Variants in TBC1D9 observed in about 807,000 individuals in gnomAD.
The protein encoded by TBC1D9 is TBC1 domain family member 9A.
TBC1D9 carries 63 observed loss-of-function variants against 132.0 expected under a neutral mutation model. The observed-to-expected ratio is 0.48, with a 90% CI of 0.39 to 0.59. TBC1D9 has a LOEUF of 0.59. TBC1D9 is among the 20% of genes least tolerant of loss of function. The pLI, the probability that TBC1D9 is intolerant of heterozygous loss-of-function variation, is 0.00. For missense variants in TBC1D9, 1,261 were observed against 1,592.7 expected (o/e 0.79, Z 3.54); for synonymous variants, 610 against 609.9 (o/e 1.00, Z 0.00).
rs796900703 is a variant in TBC1D9 at position 140,706,122 on chromosome 4, G to A, written c.131-4508C>T. On this transcript the variant is annotated intron_variant, in intron 1 of 20. Coordinates refer to ENST00000442267, the MANE Select transcript of TBC1D9 (RefSeq NM_015130.3). The surrounding 1 kb of genome is among the most constrained non-coding windows in gnomAD (Gnocchi z 4.0). The stretch of plus-strand genomic sequence containing the variant: ...TCCACAGTGCTGCAGAGAAACCCCC[G>A]TCAGCCCTCTGCAGGCCGGGCTATG... Among the ~76,000 whole-genome samples, 12 of 152,304 alleles carry A rather than the reference G, an allele frequency of 7.9e-5. No homozygotes were observed. Among genetic ancestry groups the A allele is most frequent in the Admixed American group, 2.0e-4 (3 of 15,296 alleles).
At chr4:140,649,423 A>T (rs1737152011) in intron 13 of TBC1D9, among the ~76,000 whole-genome samples, 2 of 152,276 alleles carry the variant, frequency 1.3e-5, no homozygotes, top group African/African-American at 4.8e-5. Context: ...AAGGCTGAGC[A>T]CCAGTGACAC....
intron 18 of TBC1D9, among the ~76,000 whole-genome samples, chr4:140,626,905 T>C (rs575731973): frequency 1.3e-5 from 2 of 152,242 alleles, no homozygotes; most frequent in African/African-American, 2.4e-5. Flanking sequence ...AAACTATTTA[T>C]AGGCACTGAA....
intron 1 of TBC1D9, among the ~76,000 whole-genome samples, chr4:140,754,978 A>T (rs2111090188): frequency 6.6e-6 from 1 of 152,328 alleles, no homozygotes; most frequent in South Asian, 2.1e-4. Context: ...ACTCCAGGTG[A>T]TATATGAGGT....
At chr4:140,642,896 G>T in intron 13 of TBC1D9, 2 of 585,948 alleles carry the variant, frequency 3.4e-6, no homozygotes, top group South Asian at 4.5e-5. Context: ...GGGACTCCTC[G>T]TGCCTGTCCT....
intron 1 of TBC1D9, among the ~76,000 whole-genome samples, chr4:140,753,094 C>T (rs945442816): frequency 6.6e-6 from 1 of 152,162 alleles, no homozygotes; most frequent in African/African-American, 2.4e-5. Flanking sequence ...AGGAATCTTT[C>T]CTTTGCCTCC....
chr4:140,649,568 A>C (rs1402928422), intron 13 of TBC1D9, among the ~76,000 whole-genome samples: 2 of 152,240 alleles, frequency 1.3e-5, no homozygotes, highest in Non-Finnish European at 1.5e-5. Context: ...CTAACATTAC[A>C]GGAGGCAGAG....
intron 15 of TBC1D9, 57 bp downstream of exon 15, chr4:140,639,029 T>G (rs1420258729): frequency 8.0e-7 from 1 of 1,255,564 alleles, no homozygotes; most frequent in African/African-American, 1.5e-5. Context: ...CTAACTGAAT[T>G]ATTAAGGTGA....
At chr4:140,654,002 C>T (rs1189074563) in intron 13 of TBC1D9, among the ~76,000 whole-genome samples, 3 of 152,212 alleles carry the variant, frequency 2.0e-5, no homozygotes, top group Non-Finnish European at 4.4e-5. Flanking sequence ...AGCTTATCTG[C>T]TGTTGAGAAA....
chr4:140,682,682 A>T (rs1578838674), intron 3 of TBC1D9, among the ~76,000 whole-genome samples: 1 of 152,318 alleles, frequency 6.6e-6, no homozygotes, highest in Admixed American at 6.5e-5. Context: ...CCTCCAGGGA[A>T]TCACCAAAGG....
chr4:140,628,858 G>T (rs1736751052), intron 16 of TBC1D9, among the ~76,000 whole-genome samples: 1 of 152,088 alleles, frequency 6.6e-6, no homozygotes, highest in South Asian at 2.1e-4. Context: ...CTTTTTAATT[G>T]TTTTTGAGCT....
At chr4:140,696,367 G>T (rs1183247306) in intron 2 of TBC1D9, among the ~76,000 whole-genome samples, 1 of 133,812 alleles carries the variant, frequency 7.5e-6, no homozygotes, top group Non-Finnish European at 1.5e-5. Flanking sequence ...TGAGGCAGGA[G>T]AATCACTTCA....
intron 1 of TBC1D9, among the ~76,000 whole-genome samples, chr4:140,725,464 G>A (rs1204664996): frequency 6.6e-6 from 1 of 152,200 alleles, no homozygotes. Flanking sequence ...AACAAGAGCT[G>A]TACAGGGGAT....
intron 1 of TBC1D9, among the ~76,000 whole-genome samples, chr4:140,726,583 T>C (rs1738505095): frequency 6.6e-6 from 1 of 152,190 alleles, no homozygotes; most frequent in African/African-American, 2.4e-5. Context: ...ACTTCTTATG[T>C]TCAAAGCTCA....
chr4:140,673,246 G>A (rs192579668), intron 6 of TBC1D9, among the ~76,000 whole-genome samples: 1 of 152,142 alleles, frequency 6.6e-6, no homozygotes, highest in East Asian at 1.9e-4. Context: ...CTGGATAAAT[G>A]CTTAACATCT....
chr4:140,633,881 G>C lies in TBC1D9; in HGVS notation c.2746+67C>G, dbSNP rs1296924330. On this transcript the variant is annotated intron_variant, in intron 16 of 20. Transcript: ENST00000442267. ...TTGTGCTTCTGTAGCCCTGAGGGCA[G>C]CATGGGCAACACTAGGCACAACTCC... is the stretch of plus-strand genomic sequence containing the variant. The C allele has an allele frequency of 2.5e-6, 4 of 1,576,552 alleles. No individual in the cohort carries two copies. The East Asian group carries it at 6.7e-5, about 27-fold the overall frequency.
chr4:140,737,413 G>GCTCTCT (rs1462069641), intron 1 of TBC1D9, among the ~76,000 whole-genome samples: 1 of 149,832 alleles, frequency 6.7e-6, no homozygotes, highest in African/African-American at 2.5e-5. Flanking sequence ...TGCCTGAATA[G>GCTCTCT]CTCTCTCTCC....
At chr4:140,747,670 C>A (rs1279529265) in intron 1 of TBC1D9, among the ~76,000 whole-genome samples, 2 of 152,154 alleles carry the variant, frequency 1.3e-5, no homozygotes, top group African/African-American at 4.8e-5. Flanking sequence ...GAGGCATGTG[C>A]CCCTTCCATA....
chr4:140,721,234 G>A (rs890539209), intron 1 of TBC1D9, among the ~76,000 whole-genome samples: 8 of 152,100 alleles, frequency 5.3e-5, no homozygotes, highest in South Asian at 2.1e-4. Flanking sequence ...TACTAGATAC[G>A]CCACACATAC....
intron 13 of TBC1D9, chr4:140,643,286 C>T: frequency 1.5e-6 from 2 of 1,311,354 alleles, no homozygotes; most frequent in South Asian, 2.5e-5. Context: ...TGATGCCGTG[C>T]AGAAAGCTCT....
Sources: gnomAD v4.1 joint callset for allele counts (sites outside exome capture counted in the v4.1 genomes callset) on GRCh38, gnomAD v4.1.1 for gene constraint, Gnocchi (gnomAD v3.1) non-coding constraint, MANE v1.5 for transcripts, NCBI Gene and HGNC (gene_info 2026-07-23, HGNC 2026-07-21) for gene names.